Variants in COL21A1 observed in about 807,000 individuals in gnomAD.
COL21A1 encodes collagen type XXI alpha 1 chain.
Under a neutral mutation model 137.9 loss-of-function variants are expected in COL21A1, and 149 were observed. The observed-to-expected ratio is 1.08, with a 90% confidence interval of 0.95 to 1.24. The LOEUF (loss-of-function observed/expected upper bound fraction) is 1.24, where lower values mean the gene tolerates loss of function less well. Ranked by LOEUF, COL21A1 falls within the 50% of genes most tolerant of loss-of-function variation. COL21A1 has a pLI of 0.00. For synonymous variants in COL21A1, 456 were observed against 391.5 expected (o/e 1.16, Z -1.95); for missense variants, 1,167 against 1,158.4 (o/e 1.01, Z -0.11).
At chr6:56,366,950 G>A (rs538101909) in intron 1 of COL21A1, among the ~76,000 whole-genome samples, 11 of 152,224 alleles carry the variant, frequency 7.2e-5, no homozygotes, top group South Asian at 6.2e-4. Flanking sequence ...AAACACATCC[G>A]TCTAAACCTT....
intron 1 of COL21A1, among the ~76,000 whole-genome samples, chr6:56,360,671 A>AGT (rs1765945537): frequency 6.6e-6 from 1 of 152,240 alleles, no homozygotes; most frequent in Non-Finnish European, 1.5e-5. Flanking sequence ...CCCTAAAATA[A>AGT]GTGGAAATGT....
intron 17 of COL21A1, 75 bp downstream of exon 17, chr6:56,101,397 A>G (rs1447922728): frequency 2.6e-6 from 3 of 1,169,180 alleles, no homozygotes; most frequent in Non-Finnish European, 3.7e-6. Flanking sequence ...TGAGAGAAGA[A>G]TTTAAATAAC....
chr6:56,202,747 T>C (rs1051820551), intron 1 of COL21A1, among the ~76,000 whole-genome samples: 5 of 152,192 alleles, frequency 3.3e-5, no homozygotes, highest in Non-Finnish European at 7.3e-5. Flanking sequence ...AAACCACACA[T>C]GAAAGAGAGA....
intron 1 of COL21A1, among the ~76,000 whole-genome samples, chr6:56,222,771 C>T (rs79998830): frequency 3.4e-3 from 308 of 89,298 alleles, no homozygotes; most frequent in African/African-American, 0.012. Context: ...AGCTCCTATT[C>T]TTTAAAAAAA....
chr6:56,062,641 C>A lies in COL21A1; in HGVS notation c.2173-960G>T, dbSNP rs866398551. ...TCTGTTGATTAATTTTCAGGCTCCT[C>A]AAACATGGCTATCCAAATTAGACAA... On this transcript the variant is annotated intron_variant, in intron 24 of 29. Transcript: ENST00000244728. Among the ~76,000 whole-genome samples, 3 of 152,076 alleles carry A rather than the reference C, an allele frequency of 2.0e-5. No homozygotes were observed. In the South Asian group the frequency reaches 6.2e-4, roughly 32 times the overall value.
At chr6:56,120,932 C>CT (rs1430526902) in intron 16 of COL21A1, among the ~76,000 whole-genome samples, 1 of 152,080 alleles carries the variant, frequency 6.6e-6, no homozygotes, top group African/African-American at 2.4e-5. Context: ...TCTGGCAGCA[C>CT]TTACAATGGC....
intron 17 of COL21A1, among the ~76,000 whole-genome samples, chr6:56,087,651 A>G (rs1008117492): frequency 6.6e-5 from 10 of 152,182 alleles, no homozygotes; most frequent in African/African-American, 2.4e-4. Context: ...TTGGGAGTTA[A>G]CAGCTCTAAA....
chr6:56,249,785 C>A (rs1439677858), upstream of COL21A1, among the ~76,000 whole-genome samples: 1 of 152,118 alleles, frequency 6.6e-6, no homozygotes. Context: ...TAAAAATGCT[C>A]TGGAGTTCGT....
chr6:56,275,897 A>G (rs1763635674), intron 1 of COL21A1, among the ~76,000 whole-genome samples: 1 of 152,216 alleles, frequency 6.6e-6, no homozygotes, highest in African/African-American at 2.4e-5. Context: ...AAAATAAATC[A>G]TTCTACCAAA....
chr6:56,314,273 G>A (rs539276229), intron 1 of COL21A1, among the ~76,000 whole-genome samples: 13 of 152,102 alleles, frequency 8.5e-5, no homozygotes, highest in East Asian at 3.9e-4. Context: ...GTGAGCCACC[G>A]CACCTGGCCA....
intron 1 of COL21A1, among the ~76,000 whole-genome samples, chr6:56,296,291 C>T (rs1764162375): frequency 6.6e-6 from 1 of 151,846 alleles, no homozygotes. Flanking sequence ...AATGGGCAAT[C>T]CAATTAACTT....
intron 1 of COL21A1, among the ~76,000 whole-genome samples, chr6:56,272,780 C>G (rs1245785021): frequency 6.6e-6 from 1 of 152,126 alleles, no homozygotes; most frequent in East Asian, 1.9e-4. Flanking sequence ...CTCTCTCTCT[C>G]TCCTGCTGCC....
chr6:56,077,639 C>T, intron 17 of COL21A1, 66 bp from the exon 18 acceptor site: 2 of 942,162 alleles, frequency 2.1e-6, no homozygotes, highest in Admixed American at 2.6e-5. Flanking sequence ...AAAGAAGAAA[C>T]AGTCACAATT....
chr6:56,234,424 G>C (rs4140575), intron 1 of COL21A1, among the ~76,000 whole-genome samples: 86,191 of 151,526 alleles, frequency 0.57, 24,761 homozygotes, highest in East Asian at 0.77. Flanking sequence ...TAAGAAATAA[G>C]TTATGAAACT....
intron 12 of COL21A1, among the ~76,000 whole-genome samples, chr6:56,129,572 G>T (rs1230844491): frequency 6.6e-6 from 1 of 151,852 alleles, no homozygotes; most frequent in Non-Finnish European, 1.5e-5. Context: ...AGTCTAAAAG[G>T]AATCATATTT....
At chr6:56,058,422 C>T (rs187792273) in intron 29 of COL21A1, among the ~76,000 whole-genome samples, 16 of 152,222 alleles carry the variant, frequency 1.1e-4, no homozygotes, top group Admixed American at 1.0e-3. Flanking sequence ...CAAAAGCTAG[C>T]TTACCATACT....
At chr6:56,172,911 A>C (rs532766336) in intron 3 of COL21A1, among the ~76,000 whole-genome samples, 1 of 152,240 alleles carries the variant, frequency 6.6e-6, no homozygotes, top group Admixed American at 6.5e-5. Context: ...ACGGAAGATA[A>C]ATAAAATGAT....
intron 16 of COL21A1, among the ~76,000 whole-genome samples, chr6:56,117,318 T>C (rs1242210599): frequency 1.3e-5 from 2 of 151,942 alleles, no homozygotes; most frequent in African/African-American, 2.4e-5. Context: ...TCAGACACAA[T>C]GGCTTTCAAG....
Position 56,145,516 on chromosome 6 carries a change from G to C in COL21A1, c.1435-3533C>G, listed in dbSNP as rs114428812. On this transcript the variant is annotated intron_variant, in intron 10 of 29. Coordinates refer to ENST00000244728, the MANE Select transcript of COL21A1 (RefSeq NM_030820.4). ...AACCAGGAAAATAAAGGTTAAAAAG[G>C]GGAATATTACAACACAGAACAATTT... 5.8e-3 allele frequency among the ~76,000 whole-genome samples: 882 copies of C among 152,086 alleles called. 9 individuals are homozygous for C. The highest frequency in any genetic ancestry group is 0.02 in the African/African-American group (847 of 41,522).
Sources: gnomAD v4.1 joint callset for allele counts (sites outside exome capture counted in the v4.1 genomes callset) on GRCh38, gnomAD v4.1.1 for gene constraint, MANE v1.5 for transcripts, NCBI Gene and HGNC (gene_info 2026-07-23, HGNC 2026-07-21) for gene names.